ERICH1: variants seen among roughly 807,000 people sequenced by gnomAD.
The protein encoded by ERICH1 is glutamate rich 1, also known as glutamate-rich protein 1.
In ERICH1, 56 loss-of-function variants were observed where a neutral mutation model predicts 39.6. That is an observed-to-expected ratio of 1.41 (90% CI 1.14 to 1.77). The LOEUF (loss-of-function observed/expected upper bound fraction) is 1.77. Ranked by LOEUF, ERICH1 falls within the 40% of genes most tolerant of loss-of-function variation. ERICH1 has a pLI of 0.00. For synonymous variants in ERICH1, 313 were observed against 223.6 expected, an observed-to-expected ratio of 1.40 and a Z score of -3.57; for missense variants, 826 against 575.4, an observed-to-expected ratio of 1.44 and a Z score of -4.45.
At chr8:623,621 A>C (rs1052671214) in intron 3 of ERICH1, among the ~76,000 whole-genome samples, 3 of 152,158 alleles carry the variant, frequency 2.0e-5, no homozygotes, top group South Asian at 4.1e-4. Flanking sequence ...CACATCTATC[A>C]CCTCACAGAA....
downstream of ERICH1, among the ~76,000 whole-genome samples, chr8:663,456 G>C (rs1024962746): frequency 3.3e-5 from 5 of 152,152 alleles, no homozygotes; most frequent in Non-Finnish European, 7.3e-5. Flanking sequence ...CGACCGTGCA[G>C]TTCCACTCCC....
intron 5 of ERICH1, 61 bp from the exon 6 acceptor site, chr8:664,737 T>G (rs890327528): frequency 1.2e-5 from 17 of 1,400,216 alleles, no homozygotes; most frequent in East Asian, 6.9e-5. Context: ...AATCATAAGT[T>G]ATTATTATGT....
intron 3 of ERICH1, chr8:691,226 G>C (rs893409313): frequency 1.3e-5 from 2 of 152,308 alleles, no homozygotes; most frequent in Non-Finnish European, 2.9e-5. Context: ...AACAGGAAAG[G>C]AGTGACTCCT....
intron 1 of ERICH1, among the ~76,000 whole-genome samples, chr8:724,133 G>T (rs367776385): frequency 1.3e-5 from 2 of 152,122 alleles, no homozygotes; most frequent in Non-Finnish European, 2.9e-5. Context: ...CGCCATGACC[G>T]ATCTGACATG....
At chr8:700,035 A>G (rs1489721705) in intron 2 of ERICH1, among the ~76,000 whole-genome samples, 3 of 136,188 alleles carry the variant, frequency 2.2e-5, no homozygotes, top group Non-Finnish European at 4.7e-5. Flanking sequence ...AGACCCTCAC[A>G]GGCGCACAGG....
chr8:616,636 G>A (rs867748919), intron 3 of ERICH1: 6 of 454,458 alleles, frequency 1.3e-5, no homozygotes, highest in Middle Eastern at 3.5e-4. Flanking sequence ...GGCAGAGACA[G>A]AGAAGGAGAG....
intron 3 of ERICH1, among the ~76,000 whole-genome samples, chr8:643,535 C>T (rs1218124112): frequency 2.0e-5 from 3 of 152,228 alleles, no homozygotes; most frequent in Non-Finnish European, 4.4e-5. Flanking sequence ...AGCCCCGCCC[C>T]TCCTGCCCCT....
At chr8:722,863 A>G (rs1817645024) in intron 1 of ERICH1, among the ~76,000 whole-genome samples, 1 of 152,258 alleles carries the variant, frequency 6.6e-6, no homozygotes, top group African/African-American at 2.4e-5. Context: ...CGATAGGACC[A>G]CATGCTTACA....
chr8:695,099 G>A (rs1809836729), intron 2 of ERICH1, among the ~76,000 whole-genome samples: 1 of 143,266 alleles, frequency 7.0e-6, no homozygotes, highest in Admixed American at 7.3e-5. Flanking sequence ...CCTCTTCGCA[G>A]GTGTCATTGA....
chr8:708,699 T>TTTTTTTTTTTC (rs1813991046), intron 2 of ERICH1, among the ~76,000 whole-genome samples: 1 of 135,906 alleles, frequency 7.4e-6, no homozygotes, highest in Non-Finnish European at 1.6e-5. Context: ...TTTTTTTTTT[T>TTTTTTTTTTTC]TTTTTTTTTT....
chr8:675,286 G>C (rs78885146), intron 3 of ERICH1, among the ~76,000 whole-genome samples: 1 of 1,952 alleles, frequency 5.1e-4, no homozygotes, highest in African/African-American at 3.2e-3. Context: ...AGACGCGGCG[G>C]CCCCTCGGCG....
chr8:681,719 C>G (rs547048004), intron 3 of ERICH1, among the ~76,000 whole-genome samples: 26 of 152,262 alleles, frequency 1.7e-4, no homozygotes, highest in African/African-American at 6.3e-4. Context: ...CCTGCCAAGC[C>G]AGAAACCATC....
chr8:680,481 C>CCG (rs1485514269), intron 3 of ERICH1, among the ~76,000 whole-genome samples: 1 of 147,388 alleles, frequency 6.8e-6, no homozygotes. Flanking sequence ...CACCCCTCCC[C>CCG]GAAAACACGG....
rs1237816467 is a variant in ERICH1 at position 673,375 on chromosome 8, C to A, written c.977G>T (p.Ser326Ile). The part of the protein sequence containing the change: ...DSGEEDGADA[S>I]EEDDTITNEK... Reference sequence around the variant, plus strand: ...ATTGGTAATTGTATCATCTTCCTCGCTGGCGTCTGCACCGTCCTCCTCCCC... The same window carrying A: ...ATTGGTAATTGTATCATCTTCCTCGATGGCGTCTGCACCGTCCTCCTCCCC... Residue 326 changes from serine (S) to isoleucine (I), a missense_variant, in exon 4 of 6, where the codon AGC (serine) becomes ATC (isoleucine). Coordinates refer to ENST00000262109, the MANE Select transcript of ERICH1 (RefSeq NM_207332.3). 12 of 1,614,100 alleles carry A rather than the reference C, an allele frequency of 7.4e-6. No individual in the cohort carries two copies. The highest frequency in any genetic ancestry group is 1.0e-5 in the Non-Finnish European group (12 of 1,180,036).
chr8:670,039 T>C (rs1360361629), intron 4 of ERICH1, among the ~76,000 whole-genome samples: 1 of 152,174 alleles, frequency 6.6e-6, no homozygotes, highest in Non-Finnish European at 1.5e-5. Flanking sequence ...ACTCCATGTC[T>C]GCCGGGCTCT....
At chr8:710,342 C>T (rs2132294398) in intron 2 of ERICH1, among the ~76,000 whole-genome samples, 1 of 152,038 alleles carries the variant, frequency 6.6e-6, no homozygotes, top group African/African-American at 2.4e-5. Flanking sequence ...TCCACCTGCT[C>T]CTCCCAGTCC....
chr8:715,780 G>C (rs1815807801), intron 2 of ERICH1, 81 bp downstream of exon 2: 1 of 1,530,012 alleles, frequency 6.5e-7, no homozygotes, highest in South Asian at 1.3e-5. Flanking sequence ...AGGCCCAAAA[G>C]ACACATTCTC....
chr8:692,378 C>G lies in ERICH1; in HGVS notation c.304+100G>C. 4.6e-6 allele frequency: 7 copies of G among 1,533,118 alleles called. No individual in the cohort carries two copies. The South Asian group carries it at 6.2e-5, about 13-fold the overall frequency. 95.0% of individuals were successfully genotyped at this position (1,533,118 alleles called of 1,614,324 possible). On this transcript the variant is annotated intron_variant, in intron 3 of 5. Coordinates refer to ENST00000262109, the MANE Select transcript of ERICH1 (RefSeq NM_207332.3). ...GTGTAACAACATGCTCACCCACCCC[C>G]CAAGTATGAATTTAGATAAAGGTAT...
chr8:698,138 T>C (rs1810796686), intron 2 of ERICH1, among the ~76,000 whole-genome samples: 1 of 151,962 alleles, frequency 6.6e-6, no homozygotes, highest in Admixed American at 6.5e-5. Context: ...CAATTTAACA[T>C]ACAGCCAAAG....
Sources: allele counts gnomAD v4.1 joint callset (sites outside exome capture counted in the v4.1 genomes callset), GRCh38; gene constraint gnomAD v4.1.1; transcripts MANE v1.5; gene names NCBI Gene and HGNC (gene_info 2026-07-23, HGNC 2026-07-21).